The following LAMB4 variants were observed in gnomAD, a reference collection of about 807,000 sequenced individuals.
LAMB4 encodes the protein laminin subunit beta 4.
Under a neutral mutation model 199.2 loss-of-function variants are expected in LAMB4, and 196 were observed. The ratio of observed to expected loss-of-function variants is 0.98; its 90% CI spans 0.88 to 1.11. The LOEUF (loss-of-function observed/expected upper bound fraction) is 1.11. Among genes scored for constraint, LAMB4 ranks in the 50% least tolerant of loss-of-function variants. LAMB4 has a pLI of 0.00. For synonymous variants in LAMB4, 744 were observed against 770.6 expected, an observed-to-expected ratio of 0.97 and a Z score of 0.57; for missense variants, 2,080 against 2,171.2, an observed-to-expected ratio of 0.96 and a Z score of 0.83.
chr7:108,063,754 G>C lies in LAMB4; in HGVS notation c.3061+7C>G, dbSNP rs114388614. 5,516 of 1,611,582 alleles carry C rather than the reference G, an allele frequency of 3.4e-3. 141 individuals are homozygous for C. The African/African-American group carries it at 0.058, about 17-fold the overall frequency. On this transcript the variant is annotated splice_region_variant and intron_variant, in intron 22 of 33. Transcript: ENST00000388781. ...CACATTTCCCCCTGGGAGTTTTGCA[G>C]ACTTACTTCTGCAGGTCTGATTGAG...
intron 27 of LAMB4, 47 bp from the exon 28 acceptor site, chr7:108,048,158 CTTTTTT>C (rs747991620): frequency 9.8e-4 from 453 of 462,418 alleles, no homozygotes; most frequent in Middle Eastern, 2.1e-3. Flanking sequence ...GTTGTCAGAG[CTTTTTT>C]TTTTTTTTTT....
At chr7:108,054,602 C>A (rs567147358) in intron 25 of LAMB4, among the ~76,000 whole-genome samples, 126 of 152,156 alleles carry the variant, frequency 8.3e-4, no homozygotes, top group African/African-American at 2.9e-3. Flanking sequence ...GGGGTAGAAA[C>A]TATACCCAAT....
intron 23 of LAMB4, among the ~76,000 whole-genome samples, chr7:108,059,836 C>T (rs981783572): frequency 6.6e-6 from 1 of 152,242 alleles, no homozygotes; most frequent in African/African-American, 2.4e-5. Context: ...TTACTTTTAA[C>T]CTGTTAACAT....
chr7:108,017,197 G>C, the LAMB4 span, among the ~76,000 whole-genome samples: 1 of 152,200 alleles, frequency 6.6e-6, no homozygotes, highest in Admixed American at 6.5e-5. Flanking sequence ...TCAGAGGCAG[G>C]TTGTTAGGGA....
chr7:108,019,040 G>A (rs73422875), downstream of LAMB4, among the ~76,000 whole-genome samples: 1 of 152,228 alleles, frequency 6.6e-6, no homozygotes, highest in East Asian at 1.9e-4. Context: ...TTGAAGGTAG[G>A]GGGGAAACAA....
At chr7:108,066,978 A>G (rs549693983) in intron 19 of LAMB4, among the ~76,000 whole-genome samples, 4 of 151,890 alleles carry the variant, frequency 2.6e-5, no homozygotes, top group South Asian at 2.1e-4. Flanking sequence ...TATAATCTCT[A>G]GATTATAAAC....
chr7:108,125,842 A>T (rs2038760686), intron 1 of LAMB4, among the ~76,000 whole-genome samples: 1 of 152,226 alleles, frequency 6.6e-6, no homozygotes. Flanking sequence ...ACAGTTCACC[A>T]CATTTCTATG....
rs1215306196 is a variant in LAMB4, at chr7:108,109,166, TG to T, written c.402+4del. Reference sequence around the variant, plus strand: ...AAGAGGGGCAGCAGGCCTATTAGTCTGTACCTTAAAGGTCAGGATAAGGTGG... The same window carrying T: ...AAGAGGGGCAGCAGGCCTATTAGTCTTACCTTAAAGGTCAGGATAAGGTGG... On this transcript the variant is annotated splice_donor_region_variant and intron_variant, in intron 5 of 33. Transcript: ENST00000388781. The T allele has an allele frequency of 6.3e-7, 1 of 1,599,196 alleles. No individual in the cohort carries two copies. Among genetic ancestry groups the T allele is most frequent in the Admixed American group, 1.7e-5 (1 of 60,000 alleles).
At chr7:108,035,904 A>G (rs530095007) in intron 30 of LAMB4, among the ~76,000 whole-genome samples, 27 of 150,494 alleles carry the variant, frequency 1.8e-4, no homozygotes, top group Non-Finnish European at 3.2e-4. Context: ...CCCAGGCTAG[A>G]GTTCAGTGGT....
chr7:108,112,874 G>A (rs756248323), intron 3 of LAMB4, among the ~76,000 whole-genome samples: 4 of 152,322 alleles, frequency 2.6e-5, no homozygotes, highest in South Asian at 2.1e-4. Flanking sequence ...CTCAGTGCAC[G>A]TTGCTTGTAT....
At chr7:108,042,797 G>A (rs570715686) in intron 29 of LAMB4, among the ~76,000 whole-genome samples, 3 of 152,198 alleles carry the variant, frequency 2.0e-5, no homozygotes, top group African/African-American at 7.2e-5. Context: ...CACATATTAA[G>A]TAGAATAATG....
Position 108,023,949 on chromosome 7 carries a change from T to G in LAMB4, c.*90A>C. ...TGTGGGGAAGGAAGGTAGAAGACAT[T>G]GTCAGTATTTCACAGGTTCAACAGA... is the stretch of plus-strand genomic sequence containing the variant. On this transcript the variant is annotated 3_prime_UTR_variant, in exon 34 of 34. Transcript: ENST00000388781. The G allele has an allele frequency of 9.2e-7, 1 of 1,081,460 alleles. No homozygotes were observed. 67.0% of individuals were successfully genotyped at this position (1,081,460 alleles called of 1,614,324 possible).
intron 14 of LAMB4, among the ~76,000 whole-genome samples, chr7:108,084,492 A>G (rs1355984224): frequency 6.6e-6 from 1 of 151,996 alleles, no homozygotes; most frequent in Non-Finnish European, 1.5e-5. Flanking sequence ...TTTTTGCGAC[A>G]GTGGAGCATG....
downstream of LAMB4, among the ~76,000 whole-genome samples, chr7:108,021,358 C>T (rs2034688960): frequency 6.6e-6 from 1 of 152,096 alleles, no homozygotes; most frequent in Admixed American, 6.6e-5. Flanking sequence ...TGTGGGTGTG[C>T]TTTCATTTGG....
chr7:108,034,095 A>T, intron 31 of LAMB4, 113 bp downstream of exon 31: 2 of 1,010,706 alleles, frequency 2.0e-6, no homozygotes, highest in Non-Finnish European at 3.0e-6. Context: ...ATTTATCCTC[A>T]TAATAATCCC....
rs535365108 is a variant in LAMB4, at chr7:108,113,315, T to A, written c.193-1369A>T. On this transcript the variant is annotated intron_variant, in intron 3 of 33. Transcript: ENST00000388781. ...AAGGACCTGGTTTTATTTATTGCTG[T>A]ATCTCCATTACCTAGAATAGTGTGT... is the stretch of plus-strand genomic sequence containing the variant. 2.6e-5 allele frequency among the ~76,000 whole-genome samples: 4 copies of A among 152,366 alleles called. No homozygotes were observed. The East Asian group carries it at 7.7e-4, about 29-fold the overall frequency.
downstream of LAMB4, among the ~76,000 whole-genome samples, chr7:108,019,388 G>A (rs189836861): frequency 6.6e-6 from 1 of 151,778 alleles, no homozygotes; most frequent in East Asian, 2.0e-4. Flanking sequence ...GATTACACGG[G>A]GCCCACCTGG....
intron 17 of LAMB4, among the ~76,000 whole-genome samples, chr7:108,071,248 C>T (rs79977895): frequency 0.055 from 8,368 of 152,198 alleles, 314 homozygotes; most frequent in Middle Eastern, 0.13. Context: ...TCCTTGTCAT[C>T]ACCCCTGCCT....
chr7:108,014,253 T>G, the LAMB4 span, among the ~76,000 whole-genome samples: 11 of 152,156 alleles, frequency 7.2e-5, no homozygotes, highest in Non-Finnish European at 1.3e-4. Flanking sequence ...CAGCTAAAAC[T>G]GGGAAAAATA....
Sources: allele counts gnomAD v4.1 joint callset (sites outside exome capture counted in the v4.1 genomes callset), GRCh38; gene constraint gnomAD v4.1.1; transcripts MANE v1.5; gene names NCBI Gene and HGNC (gene_info 2026-07-23, HGNC 2026-07-21).